The following SPTLC2 variants were observed in gnomAD, a reference collection of about 807,000 sequenced individuals.
The protein encoded by SPTLC2 is serine palmitoyltransferase long chain base subunit 2.
Under a neutral mutation model 62.0 loss-of-function variants are expected in SPTLC2, and 21 were observed. The observed-to-expected ratio is 0.34, with a 90% CI of 0.24 to 0.49. The LOEUF (loss-of-function observed/expected upper bound fraction) is 0.49, where lower values mean the gene tolerates loss of function less well. Ranked by LOEUF, SPTLC2 falls within the 20% of genes least tolerant of loss-of-function variation. The pLI is 0.99. For synonymous variants in SPTLC2, 261 were observed against 261.8 expected (o/e 1.00, Z 0.03); for missense variants, 511 against 713.0 (o/e 0.72, Z 3.23).
At chr14:77,562,101 T>C (rs777198048) in intron 6 of SPTLC2, among the ~76,000 whole-genome samples, 18 of 152,220 alleles carry the variant, frequency 1.2e-4, no homozygotes, top group Non-Finnish European at 2.2e-4. Context: ...TAAATACTGT[T>C]AGTCTTATGG....
At chr14:77,580,561 A>G (rs949886052) in intron 2 of SPTLC2, among the ~76,000 whole-genome samples, 8 of 150,350 alleles carry the variant, frequency 5.3e-5, no homozygotes, top group African/African-American at 7.3e-5. Context: ...AAAGAAAAAA[A>G]AAAAAAAAAA....
chr14:77,587,946 A>G (rs1375356688), intron 2 of SPTLC2, among the ~76,000 whole-genome samples: 2 of 144,284 alleles, frequency 1.4e-5, no homozygotes, highest in Non-Finnish European at 3.0e-5. Flanking sequence ...TGTTGTTGTT[A>G]TTGTTAGAAA....
intron 1 of SPTLC2, among the ~76,000 whole-genome samples, chr14:77,599,434 A>C (rs898423908): frequency 1.3e-5 from 2 of 152,252 alleles, no homozygotes; most frequent in African/African-American, 4.8e-5. Flanking sequence ...TACATATCCA[A>C]GGGGTAAAGA....
chr14:77,596,748 T>C (rs980524835), intron 2 of SPTLC2, among the ~76,000 whole-genome samples: 2 of 152,244 alleles, frequency 1.3e-5, no homozygotes, highest in East Asian at 3.8e-4. Context: ...AATGTATCTA[T>C]GAGAAAACAC....
At chr14:77,534,178 TCACACACACACACACACACA>T (rs199819444) in intron 9 of SPTLC2, among the ~76,000 whole-genome samples, 6 of 114,906 alleles carry the variant, frequency 5.2e-5, no homozygotes, top group African/African-American at 1.1e-4. Context: ...TCTCTCTCTC[TCACACACACACACACACACA>T]CACACACACA....
At chr14:77,553,957 G>A (rs1377281758) in intron 8 of SPTLC2, among the ~76,000 whole-genome samples, 1 of 151,788 alleles carries the variant, frequency 6.6e-6, no homozygotes, top group African/African-American at 2.4e-5. Flanking sequence ...TGGGACTACA[G>A]GCATGTGCCA....
chr14:77,602,388 A>T (rs1377173351), intron 1 of SPTLC2, among the ~76,000 whole-genome samples: 1 of 152,162 alleles, frequency 6.6e-6, no homozygotes, highest in African/African-American at 2.4e-5. Context: ...GGTCAACAGC[A>T]TCACCATCCA....
chr14:77,576,837 T>C lies in SPTLC2; in HGVS notation c.561A>G (p.Ser187=), dbSNP rs143934634. The C allele has an allele frequency of 3.7e-4, 594 of 1,614,092 alleles. No homozygotes were observed. Among genetic ancestry groups the C allele is most frequent in the Non-Finnish European group, 4.6e-4 (548 of 1,180,032 alleles). ...NYLGFARNTG[S]CQEAAAKVLE... ...GGACTTTGGCGGCTGCTTCTTGACA[T>C]GATCCAGTATTCCGTGCAAATCCAA... Residue 187 remains serine (S), a synonymous_variant, in exon 4 of 12, where the codon TCA becomes TCG. Coordinates refer to ENST00000216484, the MANE Select transcript of SPTLC2 (RefSeq NM_004863.4).
intron 2 of SPTLC2, among the ~76,000 whole-genome samples, chr14:77,593,886 G>A (rs2079832378): frequency 6.6e-6 from 1 of 152,074 alleles, no homozygotes; most frequent in Non-Finnish European, 1.5e-5. Context: ...TCCAACATTA[G>A]AAAACAAACA....
At chr14:77,582,391 T>C (rs1348367195) in intron 2 of SPTLC2, among the ~76,000 whole-genome samples, 1 of 152,150 alleles carries the variant, frequency 6.6e-6, no homozygotes, top group Non-Finnish European at 1.5e-5. Flanking sequence ...ACACTGCACA[T>C]TAATGTTCAA....
intron 9 of SPTLC2, among the ~76,000 whole-genome samples, chr14:77,547,268 A>AGTTTAG (rs1354705167): frequency 8.5e-5 from 13 of 152,180 alleles, no homozygotes; most frequent in Non-Finnish European, 1.6e-4. Context: ...TAAACTGCTA[A>AGTTTAG]ACTCTACTGT....
Position 77,557,093 on chromosome 14 carries a change from G to A in SPTLC2, c.904C>T (p.Arg302Trp), listed in dbSNP as rs1322541047. The change falls in exon 7 of 12, where the codon CGG becomes TGG. Residue 302 changes from arginine to tryptophan, a missense_variant. By Grantham distance (101) the Arg-to-Trp change is moderately radical (BLOSUM62 -3). Transcript: ENST00000216484. ...LKDAIVYGQP[R>W]TRRPWKKILI... ...ATTTTCTTCCAGGGCCTTCGTGTCC[G>A]AGGCTGACCATAAACAATGGCATCT... The A allele has an allele frequency of 6.2e-7, 1 of 1,613,884 alleles. No homozygotes were observed. The highest frequency in any genetic ancestry group is 8.5e-7 in the Non-Finnish European group (1 of 1,180,016).
rs74065526 is a variant in SPTLC2 at position 77,613,804 on chromosome 14, A to G, written c.132+2644T>C. 6.7e-3 allele frequency among the ~76,000 whole-genome samples: 1,027 copies of G among 152,304 alleles called. 11 individuals are homozygous for G. The highest frequency in any genetic ancestry group is 0.023 in the African/African-American group (976 of 41,564). ...AACATTTCCCCCCCAGAAAGAGGGG[A>G]AAGATAGGTAGAGGTTGGAGCACAA... On this transcript the variant is annotated intron_variant, in intron 1 of 11. Transcript: ENST00000216484.
chr14:77,508,443 G>A lies in SPTLC2; in HGVS notation c.*3841C>T, dbSNP rs1379866396. ...CCCTACAAATCCTTGCAAAACAACA[G>A]TTACTCACATTCTTTCTTCACGGCC... On this transcript the variant is annotated 3_prime_UTR_variant, in exon 12 of 12. Transcript: ENST00000216484. 1 of 152,192 alleles carries A rather than the reference G, an allele frequency of 6.6e-6. No homozygotes were observed. The highest frequency in any genetic ancestry group is 6.5e-5 in the Admixed American group (1 of 15,274). The allele number at this position is 152,192 out of a possible 1,614,324, so 9.4% of individuals were successfully genotyped here.
rs150629410 is a variant in SPTLC2, at chr14:77,598,889, C to G, written c.133-1509G>C. On this transcript the variant is annotated intron_variant, in intron 1 of 11. Transcript: ENST00000216484. ...GGTCGAGATGGCAGTGAGCCATGATCATGCCACTTCCCTACAGCCTAGGTG... is the reference window on the plus strand; with the variant it reads ...GGTCGAGATGGCAGTGAGCCATGATGATGCCACTTCCCTACAGCCTAGGTG... 1.6e-4 allele frequency among the ~76,000 whole-genome samples: 24 copies of G among 149,160 alleles called. 1 individual carries two copies. The East Asian group carries it at 4.7e-3, about 29-fold the overall frequency.
chr14:77,611,301 T>C (rs1315662068), intron 1 of SPTLC2, among the ~76,000 whole-genome samples: 9 of 148,798 alleles, frequency 6.0e-5, no homozygotes, highest in Non-Finnish European at 8.9e-5. Context: ...AGACTCTGTC[T>C]CAAAAAAAAA....
rs751326300 is a variant in SPTLC2 at position 77,552,079 on chromosome 14, A to G, written c.1303+17T>C. On this transcript the variant is annotated intron_variant, in intron 9 of 11. Coordinates refer to ENST00000216484, the MANE Select transcript of SPTLC2 (RefSeq NM_004863.4). The stretch of plus-strand genomic sequence containing the variant: ...CTAGGTGGACTTATGCAATGTTTCA[A>G]GAAAAGAAAGACTTACCAAGGCTGG... 6.2e-7 allele frequency: 1 copy of G among 1,613,700 alleles called. No homozygotes were observed. Among genetic ancestry groups the G allele is most frequent in the Non-Finnish European group, 8.5e-7 (1 of 1,179,908 alleles).
chr14:77,522,159 T>C (rs2079387647), intron 9 of SPTLC2, among the ~76,000 whole-genome samples: 1 of 152,160 alleles, frequency 6.6e-6, no homozygotes, highest in Non-Finnish European at 1.5e-5. Flanking sequence ...AATTCTTTTT[T>C]TCTTTTTCTT....
intron 1 of SPTLC2, among the ~76,000 whole-genome samples, chr14:77,612,565 A>C (rs1187411187): frequency 6.6e-6 from 1 of 152,224 alleles, no homozygotes; most frequent in African/African-American, 2.4e-5. Flanking sequence ...TCTTATCAGG[A>C]TCTGCTAAAT....
Sources: allele counts gnomAD v4.1 joint callset (sites outside exome capture counted in the v4.1 genomes callset), GRCh38; gene constraint gnomAD v4.1.1; transcripts MANE v1.5; gene names NCBI Gene and HGNC (gene_info 2026-07-23, HGNC 2026-07-21).